The following PRKD1 variants were observed in gnomAD, a reference collection of about 807,000 sequenced individuals.
PRKD1 encodes the protein serine/threonine-protein kinase D1.
In PRKD1, 63 loss-of-function variants were observed where a neutral mutation model predicts 95.9. That is an observed-to-expected ratio of 0.66 (90% confidence interval 0.54 to 0.81). The LOEUF (loss-of-function observed/expected upper bound fraction) is 0.81, where lower values mean the gene tolerates loss of function less well. PRKD1 is among the 30% of genes least tolerant of loss of function. PRKD1 has a pLI of 0.00. For missense variants in PRKD1, 1,048 were observed against 1,165.3 expected (o/e 0.90, Z 1.47); for synonymous variants, 425 against 423.1 (o/e 1.00, Z -0.05).
intron 1 of PRKD1, among the ~76,000 whole-genome samples, chr14:29,922,165 G>C (rs1385441781): frequency 2.0e-5 from 3 of 151,958 alleles, no homozygotes; most frequent in Non-Finnish European, 4.4e-5. Context: ...GCAGTGCATG[G>C]TGGCAGGCGC....
chr14:29,885,569 A>G (rs1405752571), intron 1 of PRKD1, among the ~76,000 whole-genome samples: 6 of 152,148 alleles, frequency 3.9e-5, no homozygotes, highest in Admixed American at 6.5e-5. Flanking sequence ...AAAAAAAACT[A>G]AAACAAAAAA....
rs372432859 is a variant in PRKD1, at chr14:29,591,585, T to C, written c.2434+5906A>G. 3.8e-3 allele frequency among the ~76,000 whole-genome samples: 580 copies of C among 152,246 alleles called. 5 individuals carry two copies. The highest frequency in any genetic ancestry group is 5.8e-3 in the Non-Finnish European group (396 of 68,016). The stretch of plus-strand genomic sequence containing the variant: ...TAGCTCCTCTAATTAACTGCTGGCA[T>C]GCTAAAGTTAAAAAATGCCTGCTAT... On this transcript the variant is annotated intron_variant, in intron 16 of 17. Coordinates refer to ENST00000331968, the MANE Select transcript of PRKD1 (RefSeq NM_002742.3).
At chr14:29,781,033 A>G (rs1441581890) in intron 1 of PRKD1, among the ~76,000 whole-genome samples, 1 of 151,602 alleles carries the variant, frequency 6.6e-6, no homozygotes, top group Non-Finnish European at 1.5e-5. Context: ...GCAAACTATC[A>G]CAAGGACAGA....
At position 29,800,077 on chromosome 14, in the gene PRKD1, G is replaced by A. The variant is rs139413563; in HGVS notation, c.265-74403C>T. Among the ~76,000 whole-genome samples, 718 of 152,126 alleles carry A rather than the reference G, an allele frequency of 4.7e-3. 7 individuals are homozygous for A. The highest frequency in any genetic ancestry group is 0.016 in the African/African-American group (649 of 41,476). On this transcript the variant is annotated intron_variant, in intron 1 of 17. Coordinates refer to ENST00000331968, the MANE Select transcript of PRKD1 (RefSeq NM_002742.3). ...ACTCAGTTCAGGCATGGGTTTGACC[G>A]CTATTGACCATAAGTAGATTAAAAA...
chr14:29,638,535 T>C lies in PRKD1; in HGVS notation c.939A>G (p.Ala313=). The C allele has an allele frequency of 6.2e-7, 1 of 1,614,240 alleles. No homozygotes were observed. The highest frequency in any genetic ancestry group is 8.5e-7 in the Non-Finnish European group (1 of 1,180,032). Residue 313 remains alanine, a synonymous_variant, in exon 6 of 18, where the codon GCA becomes GCG. Transcript: ENST00000331968. The part of the protein sequence containing the change: ...DCRFNCHKRC[A]PKVPNNCLGE... The stretch of plus-strand genomic sequence containing the variant: ...CAAGGCAGTTGTTTGGTACTTTCGG[T>C]GCACAACGTTTATGGCAGTTGAATC...
intron 4 of PRKD1, among the ~76,000 whole-genome samples, chr14:29,655,376 C>A (rs1247907854): frequency 6.6e-6 from 1 of 152,148 alleles, no homozygotes; most frequent in Non-Finnish European, 1.5e-5. Flanking sequence ...AATCTTGACT[C>A]ATCCATCTTA....
At chr14:29,852,827 G>C (rs1353850983) in intron 1 of PRKD1, among the ~76,000 whole-genome samples, 3 of 152,072 alleles carry the variant, frequency 2.0e-5, no homozygotes, top group African/African-American at 7.2e-5. Context: ...GAAAATGAGA[G>C]AAGGCTAGAA....
At chr14:29,819,643 T>C (rs891158423) in intron 1 of PRKD1, among the ~76,000 whole-genome samples, 2 of 152,028 alleles carry the variant, frequency 1.3e-5, no homozygotes, top group African/African-American at 4.8e-5. Context: ...TGAGCCGAGA[T>C]TGCGCCACTG....
intron 13 of PRKD1, among the ~76,000 whole-genome samples, chr14:29,613,132 A>G (rs1287313858): frequency 6.6e-6 from 1 of 152,216 alleles, no homozygotes; most frequent in African/African-American, 2.4e-5. Context: ...TAATGCAAGG[A>G]AAGAAATATT....
intron 2 of PRKD1, among the ~76,000 whole-genome samples, chr14:29,689,445 A>C (rs1376345307): frequency 6.6e-6 from 1 of 152,120 alleles, no homozygotes; most frequent in Admixed American, 6.6e-5. Context: ...AATTATTAAA[A>C]AGTCAAGAAA....
chr14:29,637,149 AGAAGCACAGCCCTGGTG>A (rs1880439022), intron 6 of PRKD1, among the ~76,000 whole-genome samples: 1 of 152,236 alleles, frequency 6.6e-6, no homozygotes, highest in Non-Finnish European at 1.5e-5. Context: ...CTCATATTTT[AGAAGCACAGCCCTGGTG>A]GGAAAAAAAA....
rs554735143 is a variant in PRKD1, at chr14:29,875,081, T to G, written c.264+52168A>C. On this transcript the variant is annotated intron_variant, in intron 1 of 17. Coordinates refer to ENST00000331968, the MANE Select transcript of PRKD1 (RefSeq NM_002742.3). ...ATAAAAAACAAATGAAAACCAATGA[T>G]GAATAAGGTAAATATATTAATTCTT... is the stretch of plus-strand genomic sequence containing the variant. Among the ~76,000 whole-genome samples the G allele has an allele frequency of 1.1e-3, 168 of 152,274 alleles. 1 individual carries two copies. Among genetic ancestry groups the G allele is most frequent in the African/African-American group, 3.9e-3 (164 of 41,550 alleles).
At chr14:29,869,457 GAAGA>G (rs1893028508) in intron 1 of PRKD1, among the ~76,000 whole-genome samples, 2 of 150,034 alleles carry the variant, frequency 1.3e-5, no homozygotes, top group African/African-American at 2.4e-5. Context: ...AAAAAAAAAA[GAAGA>G]AAGAAAGAAA....
At chr14:29,690,244 A>G (rs1594431383) in intron 2 of PRKD1, among the ~76,000 whole-genome samples, 1 of 151,772 alleles carries the variant, frequency 6.6e-6, no homozygotes, top group Non-Finnish European at 1.5e-5. Context: ...GTCCATCCCT[A>G]CCCCCAATAT....
At chr14:29,801,186 C>T (rs2139218062) in intron 1 of PRKD1, among the ~76,000 whole-genome samples, 1 of 152,240 alleles carries the variant, frequency 6.6e-6, no homozygotes, top group South Asian at 2.1e-4. Context: ...GCTGGTACTG[C>T]AGTCTTGAGG....
chr14:29,721,443 C>A (rs4357843), intron 2 of PRKD1, among the ~76,000 whole-genome samples: 1 of 151,956 alleles, frequency 6.6e-6, no homozygotes, highest in African/African-American at 2.4e-5. Flanking sequence ...ACAAGATACA[C>A]ACACATATAG....
At chr14:29,870,217 T>C (rs1395399226) in intron 1 of PRKD1, among the ~76,000 whole-genome samples, 1 of 152,182 alleles carries the variant, frequency 6.6e-6, no homozygotes, top group African/African-American at 2.4e-5. Flanking sequence ...CATTCATGGA[T>C]GCCAAAATCA....
chr14:29,586,444 C>T (rs2138971117), intron 16 of PRKD1, among the ~76,000 whole-genome samples: 1 of 152,270 alleles, frequency 6.6e-6, no homozygotes, highest in African/African-American at 2.4e-5. Context: ...TCTCAACCTC[C>T]TCAAAAGGAC....
chr14:29,895,130 G>A (rs767945833), intron 1 of PRKD1, among the ~76,000 whole-genome samples: 6 of 152,058 alleles, frequency 3.9e-5, no homozygotes, highest in African/African-American at 7.2e-5. Context: ...AGGGGTTCGA[G>A]ACCAGCCTGG....
Sources: gnomAD v4.1 joint callset for allele counts (sites outside exome capture counted in the v4.1 genomes callset) on GRCh38, gnomAD v4.1.1 for gene constraint, MANE v1.5 for transcripts, NCBI Gene and HGNC (gene_info 2026-07-23, HGNC 2026-07-21) for gene names.